PDE11A: variants seen among roughly 807,000 people sequenced by gnomAD.
PDE11A encodes phosphodiesterase 11A.
PDE11A carries 100 observed loss-of-function variants against 100.5 expected under a neutral mutation model. That is an observed-to-expected ratio of 1.00 (90% CI 0.85 to 1.18). PDE11A has a LOEUF of 1.18. Ranked by LOEUF, PDE11A falls within the 50% of genes most tolerant of loss-of-function variation. The pLI is 0.00. For missense variants in PDE11A, 1,141 were observed against 1,152.6 expected (o/e 0.99, Z 0.15); for synonymous variants, 381 against 420.8 (o/e 0.91, Z 1.16).
upstream of PDE11A, among the ~76,000 whole-genome samples, chr2:178,077,116 T>A (rs1378453513): frequency 6.6e-6 from 1 of 152,106 alleles, no homozygotes; most frequent in African/African-American, 2.4e-5. Flanking sequence ...CAAAGCCAAT[T>A]ATATAGCCAA....
chr2:177,789,989 C>T (rs1433937660), intron 9 of PDE11A, among the ~76,000 whole-genome samples: 8 of 151,212 alleles, frequency 5.3e-5, no homozygotes, highest in Admixed American at 3.3e-4. Context: ...GATTCAATGC[C>T]ATCGCCATCA....
intron 1 of PDE11A, among the ~76,000 whole-genome samples, chr2:178,050,750 G>A (rs529321726): frequency 6.6e-6 from 1 of 152,216 alleles, no homozygotes; most frequent in South Asian, 2.1e-4. Context: ...TGGAAGAAAG[G>A]GTATCAGTGA....
chr2:178,074,789 A>C (rs144311862), upstream of PDE11A, among the ~76,000 whole-genome samples: 338 of 152,292 alleles, frequency 2.2e-3, 1 homozygote, highest in Non-Finnish European at 3.8e-3. Flanking sequence ...TGAATGCAAC[A>C]TTTCGAGCTG....
At chr2:177,879,692 T>A (rs200055959) in intron 4 of PDE11A, among the ~76,000 whole-genome samples, 40 of 152,210 alleles carry the variant, frequency 2.6e-4, no homozygotes, top group Admixed American at 5.9e-4. Context: ...ATTTTTTCCA[T>A]CTGAGGAATA....
At chr2:177,763,931 C>T (rs868314853) in intron 10 of PDE11A, among the ~76,000 whole-genome samples, 9 of 152,314 alleles carry the variant, frequency 5.9e-5, no homozygotes, top group Middle Eastern at 3.4e-3. Flanking sequence ...GCCCTGCACC[C>T]GCCTGCTGTG....
intron 19 of PDE11A, among the ~76,000 whole-genome samples, chr2:177,640,551 C>T (rs2080126267): frequency 6.6e-6 from 1 of 152,172 alleles, no homozygotes; most frequent in Non-Finnish European, 1.5e-5. Context: ...AGACAGGTAG[C>T]CAATTGTGGG....
intron 2 of PDE11A, among the ~76,000 whole-genome samples, chr2:177,979,791 T>TA (rs2085858073): frequency 6.7e-6 from 1 of 149,398 alleles, no homozygotes; most frequent in Admixed American, 6.7e-5. Context: ...TTTGTATTTT[T>TA]AGTAGAGACG....
chr2:177,866,357 C>T (rs1299536116), intron 5 of PDE11A, among the ~76,000 whole-genome samples: 2 of 152,212 alleles, frequency 1.3e-5, no homozygotes, highest in Non-Finnish European at 2.9e-5. Context: ...CTCGGGACTT[C>T]CCATTGGCCA....
chr2:177,957,241 A>G (rs1168289316), intron 2 of PDE11A, among the ~76,000 whole-genome samples: 2 of 151,552 alleles, frequency 1.3e-5, no homozygotes, highest in Non-Finnish European at 3.0e-5. Context: ...TACTGTATAT[A>G]ATATATGCTA....
intron 1 of PDE11A, among the ~76,000 whole-genome samples, chr2:178,024,012 C>T (rs73972668): frequency 0.025 from 3,835 of 152,212 alleles, 149 homozygotes; most frequent in African/African-American, 0.087. Flanking sequence ...TTTAGCCCCA[C>T]CCCAACTAAT....
Position 177,623,739 on chromosome 2 carries a change from T to TA in PDE11A, c.*5667dup, listed in dbSNP as rs927334600. ...TCACAGCAAATACTTCATTACTTAA[T>TA]AAAAAAACACATTTGTGTACTAGCG... On this transcript the variant is annotated 3_prime_UTR_variant, in exon 20 of 20. Coordinates refer to ENST00000286063, the MANE Select transcript of PDE11A (RefSeq NM_016953.4). 31 of 145,690 alleles carry TA rather than the reference T, an allele frequency of 2.1e-4. No individual in the cohort carries two copies. The highest frequency in any genetic ancestry group is 7.7e-4 in the African/African-American group (30 of 39,164). The allele number at this position is 145,690 out of a possible 1,614,324, so 9.0% of individuals were successfully genotyped here.
intron 1 of PDE11A, among the ~76,000 whole-genome samples, chr2:178,053,918 G>A (rs1432262217): frequency 2.0e-5 from 3 of 152,138 alleles, no homozygotes; most frequent in Admixed American, 2.0e-4. Context: ...ATCAGATCAC[G>A]AAAATGGCCA....
At chr2:177,725,352 CCTTAG>C (rs1380846206) in intron 12 of PDE11A, among the ~76,000 whole-genome samples, 2 of 152,084 alleles carry the variant, frequency 1.3e-5, no homozygotes, top group East Asian at 3.9e-4. Flanking sequence ...TGACTGTAAC[CCTTAG>C]TTAAGTTCAA....
chr2:177,772,523 G>A (rs900983916), intron 9 of PDE11A, among the ~76,000 whole-genome samples: 7 of 152,074 alleles, frequency 4.6e-5, no homozygotes, highest in Non-Finnish European at 1.0e-4. Context: ...GTTTTACTGT[G>A]GTAAAATTTA....
chr2:177,995,309 C>T (rs1333307969), intron 2 of PDE11A, among the ~76,000 whole-genome samples: 2 of 152,110 alleles, frequency 1.3e-5, no homozygotes, highest in Non-Finnish European at 2.9e-5. Context: ...ATTATTGCCA[C>T]CAATCCATAG....
intron 19 of PDE11A, among the ~76,000 whole-genome samples, chr2:177,652,209 A>G (rs964329863): frequency 1.1e-4 from 16 of 152,286 alleles, no homozygotes; most frequent in African/African-American, 3.6e-4. Flanking sequence ...AGTAACAGAG[A>G]CAGTGAATGT....
chr2:178,079,082 T>C (rs16866058), intron 2 of PDE11A, among the ~76,000 whole-genome samples: 1,884 of 152,338 alleles, frequency 0.012, 33 homozygotes, highest in East Asian at 0.071. Flanking sequence ...ATTGAGAGTA[T>C]AGACCTACTA....
intron 1 of PDE11A, among the ~76,000 whole-genome samples, chr2:178,104,970 A>C (rs2105890633): frequency 6.6e-6 from 1 of 152,362 alleles, no homozygotes; most frequent in East Asian, 1.9e-4. Flanking sequence ...CTGTAAAAAT[A>C]AAAATTATAC....
intron 2 of PDE11A, among the ~76,000 whole-genome samples, chr2:177,962,790 A>G (rs1319765926): frequency 6.6e-6 from 1 of 152,172 alleles, no homozygotes; most frequent in African/African-American, 2.4e-5. Flanking sequence ...TAAAGTGTGC[A>G]TTATCATAAA....
Sources: gnomAD v4.1 joint callset for allele counts (sites outside exome capture counted in the v4.1 genomes callset) on GRCh38, gnomAD v4.1.1 for gene constraint, MANE v1.5 for transcripts, NCBI Gene and HGNC (gene_info 2026-07-23, HGNC 2026-07-21) for gene names.